Variants in LANCL1 observed in about 807,000 individuals in gnomAD.
LANCL1 encodes LanC like glutathione S-transferase 1, also known as glutathione S-transferase LANCL1.
Under a neutral mutation model 50.6 loss-of-function variants are expected in LANCL1, and 50 were observed. The observed-to-expected ratio is 0.99, with a 90% CI of 0.79 to 1.25. LANCL1 has a LOEUF of 1.25. LANCL1 is among the 50% of genes most tolerant of loss of function. The pLI is 0.00. For synonymous variants in LANCL1, 188 were observed against 178.6 expected (o/e 1.05, Z -0.42); for missense variants, 532 against 480.7 (o/e 1.11, Z -1.00).
chr2:210,446,409 A>C (rs1693330562), intron 4 of LANCL1, among the ~76,000 whole-genome samples: 2 of 152,198 alleles, frequency 1.3e-5, no homozygotes, highest in Admixed American at 1.3e-4. Flanking sequence ...AAACCAGTGC[A>C]AAAAGGCTGA....
chr2:210,476,733 G>T lies in LANCL1; in HGVS notation c.-130C>A, dbSNP rs904596561. On this transcript the variant is annotated 5_prime_UTR_variant, in exon 1 of 10. Transcript: ENST00000450366. ...CCCTGGCCTCTCACCCCGCAGCCCC[G>T]GACAGTAACAGAAGGGCTATTTTAC... is the stretch of plus-strand genomic sequence containing the variant. The T allele has an allele frequency of 2.7e-6, 3 of 1,092,750 alleles. No homozygotes were observed. The highest frequency in any genetic ancestry group is 3.2e-5 in the South Asian group (1 of 30,886). 67.7% of individuals were successfully genotyped at this position (1,092,750 alleles called of 1,614,324 possible).
At chr2:210,471,037 C>CGATTTTTTTTTTTTTTTTTTT (rs1559722955) in intron 3 of LANCL1, among the ~76,000 whole-genome samples, 1 of 142,056 alleles carries the variant, frequency 7.0e-6, no homozygotes. Flanking sequence ...AACTTTTCTT[C>CGATTTTTTTTTTTTTTTTTTT]TTTGATTTTT....
At position 210,431,763 on chromosome 2, in the gene LANCL1, CA is replaced by C. The variant is rs1692752798; in HGVS notation, c.*2723del. 6.6e-6 allele frequency: 1 copy of C among 152,096 alleles called. No individual in the cohort carries two copies. The highest frequency in any genetic ancestry group is 2.1e-4 in the South Asian group (1 of 4,820). 9.4% of individuals were successfully genotyped at this position (152,096 alleles called of 1,614,324 possible). A position where few individuals can be genotyped will look rare whatever the true frequency, so the allele number is the denominator to read the frequency against. On this transcript the variant is annotated 3_prime_UTR_variant, in exon 10 of 10. Coordinates refer to ENST00000450366, the MANE Select transcript of LANCL1 (RefSeq NM_006055.3). Reference sequence around the variant, plus strand: ...GATGCCAAATAATTGGAACTGACATCAAAGATGAAAAGAGAGCCACATGACT... The same window carrying C: ...GATGCCAAATAATTGGAACTGACATCAAGATGAAAAGAGAGCCACATGACT...
chr2:210,461,104 A>T (rs1693843365), intron 3 of LANCL1, among the ~76,000 whole-genome samples: 1 of 152,036 alleles, frequency 6.6e-6, no homozygotes, highest in Admixed American at 6.6e-5. Context: ...TAAAAGTCAG[A>T]TTGTTTAGAT....
At chr2:210,452,861 A>C (rs1473327673) in intron 4 of LANCL1, among the ~76,000 whole-genome samples, 1 of 152,194 alleles carries the variant, frequency 6.6e-6, no homozygotes, top group African/African-American at 2.4e-5. Flanking sequence ...CAAAGGCAGT[A>C]CACAGAGAAT....
intron 2 of LANCL1, among the ~76,000 whole-genome samples, chr2:210,473,518 G>C (rs1694278987): frequency 6.6e-6 from 1 of 152,124 alleles, no homozygotes; most frequent in Non-Finnish European, 1.5e-5. Context: ...AAAGTTACAA[G>C]GGTATAAACA....
At chr2:210,458,753 A>G (rs982807590) in intron 3 of LANCL1, among the ~76,000 whole-genome samples, 2 of 152,214 alleles carry the variant, frequency 1.3e-5, no homozygotes, top group Non-Finnish European at 2.9e-5. Context: ...GGGAGGAAAG[A>G]GTACAGTTGT....
intron 2 of LANCL1, 44 bp downstream of exon 2, chr2:210,476,272 C>G (rs776727878): frequency 2.8e-6 from 4 of 1,454,444 alleles, no homozygotes; most frequent in East Asian, 4.6e-5. Flanking sequence ...TTCCGAACAC[C>G]GTGGGGAGAG....
intron 3 of LANCL1, among the ~76,000 whole-genome samples, chr2:210,466,819 A>C (rs895367919): frequency 1.3e-5 from 2 of 152,224 alleles, no homozygotes; most frequent in South Asian, 4.1e-4. Context: ...TCGTTGATAC[A>C]GTAAAGCCAC....
chr2:210,471,153 T>A (rs1394302305), intron 3 of LANCL1, among the ~76,000 whole-genome samples: 2 of 151,198 alleles, frequency 1.3e-5, no homozygotes, highest in Non-Finnish European at 2.9e-5. Context: ...TTCAAGTGAT[T>A]CTCCTGCCTC....
At chr2:210,466,834 A>C (rs1288266576) in intron 3 of LANCL1, among the ~76,000 whole-genome samples, 1 of 152,144 alleles carries the variant, frequency 6.6e-6, no homozygotes, top group African/African-American at 2.4e-5. Flanking sequence ...AGCCACAAAA[A>C]CCATCAAGGC....
At chr2:210,469,545 A>T (rs1694163519) in intron 3 of LANCL1, among the ~76,000 whole-genome samples, 1 of 152,320 alleles carries the variant, frequency 6.6e-6, no homozygotes, top group Admixed American at 6.5e-5. Context: ...ACCAGCTGCT[A>T]AGGACATCCT....
At chr2:210,451,722 C>T (rs1030739978) in intron 4 of LANCL1, among the ~76,000 whole-genome samples, 1 of 152,190 alleles carries the variant, frequency 6.6e-6, no homozygotes, top group African/African-American at 2.4e-5. Flanking sequence ...ATAGCACTCA[C>T]AGCCCCACAC....
intron 2 of LANCL1, among the ~76,000 whole-genome samples, chr2:210,473,231 C>T (rs948258245): frequency 2.0e-4 from 30 of 152,014 alleles, no homozygotes; most frequent in African/African-American, 7.3e-4. Flanking sequence ...CAAAATTAGT[C>T]GGGCATGGTG....
chr2:210,454,300 T>C (rs1217826379), intron 4 of LANCL1, among the ~76,000 whole-genome samples: 1 of 151,872 alleles, frequency 6.6e-6, no homozygotes, highest in Non-Finnish European at 1.5e-5. Flanking sequence ...CTTTTTTGAA[T>C]ACAGCACTAT....
intron 3 of LANCL1, among the ~76,000 whole-genome samples, chr2:210,464,018 A>C (rs1237978130): frequency 6.6e-6 from 1 of 152,258 alleles, no homozygotes; most frequent in Non-Finnish European, 1.5e-5. Flanking sequence ...ATAAAAGCCA[A>C]GATAATTTCA....
At chr2:210,452,953 T>C (rs988486192) in intron 4 of LANCL1, among the ~76,000 whole-genome samples, 1 of 152,178 alleles carries the variant, frequency 6.6e-6, no homozygotes, top group Non-Finnish European at 1.5e-5. Flanking sequence ...AAATAACTTA[T>C]ATTAAATAAT....
At chr2:210,439,012 C>T (rs1449336709) in intron 6 of LANCL1, among the ~76,000 whole-genome samples, 1 of 152,092 alleles carries the variant, frequency 6.6e-6, no homozygotes, top group Non-Finnish European at 1.5e-5. Flanking sequence ...ATATGACTTC[C>T]ACAAGATTCT....
chr2:210,449,039 A>G (rs1056910163), intron 4 of LANCL1, among the ~76,000 whole-genome samples: 2 of 152,186 alleles, frequency 1.3e-5, no homozygotes, highest in Non-Finnish European at 2.9e-5. Context: ...CCTGGCAGAG[A>G]CACAACAAAA....
Sources: allele counts gnomAD v4.1 joint callset (sites outside exome capture counted in the v4.1 genomes callset), GRCh38; gene constraint gnomAD v4.1.1; transcripts MANE v1.5; gene names NCBI Gene and HGNC (gene_info 2026-07-23, HGNC 2026-07-21).